HMCN2: variants seen among roughly 807,000 people sequenced by gnomAD.
The protein encoded by HMCN2 is hemicentin 2.
Under a neutral mutation model 377.5 loss-of-function variants are expected in HMCN2, and 325 were observed. The observed-to-expected ratio is 0.86, with a 90% confidence interval of 0.79 to 0.94. The LOEUF (loss-of-function observed/expected upper bound fraction) is 0.94, where lower values mean the gene tolerates loss of function less well. Among genes scored for constraint, HMCN2 ranks in the 40% least tolerant of loss-of-function variants. The probability of loss-of-function intolerance (pLI) is 0.00; values close to 1 mark genes in which losing one functional copy is unlikely to be tolerated. For synonymous variants in HMCN2, 2,007 were observed against 2,046.8 expected (o/e 0.98, Z 0.53); for missense variants, 4,543 against 4,725.3 (o/e 0.96, Z 1.13).
At chr9:130,271,607 G>A (rs1028902841) in intron 1 of HMCN2, among the ~76,000 whole-genome samples, 2 of 148,530 alleles carry the variant, frequency 1.3e-5, no homozygotes, top group African/African-American at 2.4e-5. Context: ...TTTTGTTTTC[G>A]TTTTTCCCAC....
chr9:130,395,959 G>C lies in HMCN2; in HGVS notation c.10947G>C (p.Arg3649Ser), dbSNP rs757829529. 2 of 1,287,588 alleles carry C rather than the reference G, an allele frequency of 1.6e-6. No individual in the cohort carries two copies. The highest frequency in any genetic ancestry group is 2.5e-5 in the South Asian group (2 of 80,928). The allele number at this position is 1,287,588 out of a possible 1,614,324, so 79.8% of individuals were successfully genotyped here. ...DAHTQFPERG[R>S]FLQLQALSTA... Reference sequence around the variant, plus strand: ...ACACACAATTCCCGGAGCGGGGCAGGTTCCTCCAGCTGCAGGCCCTGAGCA... The same window carrying C: ...ACACACAATTCCCGGAGCGGGGCAGCTTCCTCCAGCTGCAGGCCCTGAGCA... The change falls in exon 72 of 98, where the codon AGG becomes AGC. Residue 3649 changes from arginine to serine, a missense_variant. This residue lies in a region of HMCN2 where 1,073 missense variants were observed against 1,319.5 expected (regional missense o/e 0.81). Coordinates refer to ENST00000683500, the MANE Select transcript of HMCN2 (RefSeq NM_001291815.2).
At chr9:130,293,278 A>ATTTTTTTTTTTTTTTTT (rs1554930691) in intron 4 of HMCN2, among the ~76,000 whole-genome samples, 15 of 30,002 alleles carry the variant, frequency 5.0e-4, no homozygotes, top group African/African-American at 1.8e-3. Flanking sequence ...TACTCACTAA[A>ATTTTTTTTTTTTTTTTT]GTTTTTTTTT....
Position 130,386,515 on chromosome 9 carries a change from A to G in HMCN2, c.9382A>G (p.Thr3128Ala). 7.7e-7 allele frequency: 1 copy of G among 1,303,092 alleles called. No individual in the cohort carries two copies. Among genetic ancestry groups the G allele is most frequent in the African/African-American group, 1.5e-5 (1 of 65,954 alleles). 80.7% of individuals were successfully genotyped at this position (1,303,092 alleles called of 1,614,324 possible). ...GGAGGCCGTGCGGACCTTCACCCTC[A>G]CCGTCCAGGGTAAGCCAGGGACCAG... is the stretch of plus-strand genomic sequence containing the variant. ...AGEAVRTFTL[T>A]VQVPPTFENP... Residue 3128 changes from threonine (T) to alanine (A), a missense_variant, in exon 61 of 98, where the codon ACC (threonine) becomes GCC (alanine). This residue lies in a region of HMCN2 where 736 missense variants were observed against 773.2 expected (regional missense o/e 0.95). Coordinates refer to ENST00000683500, the MANE Select transcript of HMCN2 (RefSeq NM_001291815.2).
Position 130,376,521 on chromosome 9 carries a change from C to T in HMCN2, c.7924C>T (p.Pro2642Ser). Residue 2642 changes from proline to serine, a missense_variant, in exon 52 of 98, where the codon CCT becomes TCT. By Grantham distance (74) the Pro-to-Ser change is moderately conservative. Transcript: ENST00000683500. ...KNYHVEVLIP[P>S]SISKDDPLAE... Reference sequence around the variant, plus strand: ...AGACCCCTCGTGCTTTTCAGTCCCCCCTTCCATCTCCAAAGACGACCCCTT... The same window carrying T: ...AGACCCCTCGTGCTTTTCAGTCCCCTCTTCCATCTCCAAAGACGACCCCTT... The T allele has an allele frequency of 1.0e-6, 1 of 985,910 alleles. No homozygotes were observed. Among genetic ancestry groups the T allele is most frequent in the Non-Finnish European group, 1.2e-6 (1 of 830,002 alleles). The allele number at this position is 985,910 out of a possible 1,614,324, so 61.1% of individuals were successfully genotyped here.
At position 130,356,222 on chromosome 9, in the gene HMCN2, G is replaced by T; in HGVS notation, c.5390G>T (p.Gly1797Val). The T allele has an allele frequency of 7.7e-7, 1 of 1,302,594 alleles. No homozygotes were observed. Among genetic ancestry groups the T allele is most frequent in the Non-Finnish European group, 1.0e-6 (1 of 988,712 alleles). 80.7% of individuals were successfully genotyped at this position (1,302,594 alleles called of 1,614,324 possible). Residue 1797 changes from glycine (G) to valine (V), a missense_variant, in exon 34 of 98, where the codon GGC becomes GTC. This residue lies in a region of HMCN2 where 1,032 missense variants were observed against 1,285.1 expected (regional missense o/e 0.80). Coordinates refer to ENST00000683500, the MANE Select transcript of HMCN2 (RefSeq NM_001291815.2). ...GCCTGCCAGGCCACCAATGAGGCGG[G>T]CACTGCCGGGGCCGAGGTGGAGGTG... is the stretch of plus-strand genomic sequence containing the variant. ...LFACQATNEA[G>V]TAGAEVEVSV... is the part of the protein sequence containing the mutation.
At chr9:130,350,792 G>A (rs1839671513) in intron 29 of HMCN2, among the ~76,000 whole-genome samples, 1 of 151,374 alleles carries the variant, frequency 6.6e-6, no homozygotes, top group Non-Finnish European at 1.5e-5. Flanking sequence ...TGTAGTCTCC[G>A]CTACTTGGGA....
At chr9:130,279,150 C>T (rs578047746) in intron 1 of HMCN2, among the ~76,000 whole-genome samples, 32 of 152,046 alleles carry the variant, frequency 2.1e-4, no homozygotes, top group East Asian at 3.9e-4. Flanking sequence ...CCACCCACCT[C>T]GGCCTCCCAA....
chr9:130,327,693 T>C (rs1838215392), intron 22 of HMCN2, among the ~76,000 whole-genome samples: 1 of 152,204 alleles, frequency 6.6e-6, no homozygotes, highest in South Asian at 2.1e-4. Flanking sequence ...ACTCCCCATC[T>C]GAAATAACAT....
intron 51 of HMCN2, 36 bp from the exon 52 acceptor site, chr9:130,376,480 C>T (rs1318804641): frequency 1.0e-6 from 1 of 976,094 alleles, no homozygotes; most frequent in Non-Finnish European, 1.2e-6. Context: ...AGCACCCATC[C>T]CCCAGCTCTG....
chr9:130,399,806 C>G (rs1207253542), intron 76 of HMCN2, among the ~76,000 whole-genome samples, 174 bp downstream of exon 76: 1 of 152,238 alleles, frequency 6.6e-6, no homozygotes, highest in African/African-American at 2.4e-5. Flanking sequence ...AACCCCAGCT[C>G]CAGCACAGTT....
At chr9:130,397,413 T>C in intron 73 of HMCN2, 115 bp from the exon 74 acceptor site, 1 of 1,033,850 alleles carries the variant, frequency 9.7e-7, no homozygotes, top group South Asian at 1.5e-5. Flanking sequence ...AGCCAAACCA[T>C]ATCAGCATCC....
Position 130,365,730 on chromosome 9 carries a change from G to A in HMCN2, c.6505+3G>A. 7.1e-6 allele frequency: 7 copies of A among 985,676 alleles called. No homozygotes were observed. The highest frequency in any genetic ancestry group is 7.2e-6 in the Non-Finnish European group (6 of 829,716). The allele number at this position is 985,676 out of a possible 1,614,324, so 61.1% of individuals were successfully genotyped here. On this transcript the variant is annotated splice_donor_region_variant and intron_variant, in intron 42 of 97. Transcript: ENST00000683500. ...ACACTACAATCTGAACGTCTGGGGT[G>A]AGGGTCTCCCAGGCTGGGCAGGGGG... is the stretch of plus-strand genomic sequence containing the variant.
At chr9:130,346,497 C>T (rs960237769) in intron 25 of HMCN2, among the ~76,000 whole-genome samples, 8 of 149,600 alleles carry the variant, frequency 5.3e-5, no homozygotes, top group East Asian at 2.0e-4. Flanking sequence ...GTGGCACTCA[C>T]GGTGGGGCTG....
intron 54 of HMCN2, among the ~76,000 whole-genome samples, chr9:130,380,060 C>T (rs2131629858): frequency 1.3e-5 from 2 of 152,048 alleles, no homozygotes; most frequent in East Asian, 3.9e-4. Flanking sequence ...ATTTTTAGTA[C>T]AGATGGGGTT....
At chr9:130,379,161 G>A (rs1841562460) in intron 53 of HMCN2, 88 bp from the exon 54 acceptor site, 2 of 331,704 alleles carry the variant, frequency 6.0e-6, no homozygotes, top group Admixed American at 6.5e-5. Flanking sequence ...TTCCGCTTGG[G>A]AGAGGCTGGG....
intron 22 of HMCN2, among the ~76,000 whole-genome samples, chr9:130,331,081 C>T (rs1484932868): frequency 7.3e-5 from 11 of 151,408 alleles, no homozygotes; most frequent in African/African-American, 2.7e-4. Context: ...TCGCTTGAAC[C>T]TGGGAGGTGA....
At chr9:130,323,722 T>G (rs909035891) in intron 19 of HMCN2, among the ~76,000 whole-genome samples, 2 of 152,098 alleles carry the variant, frequency 1.3e-5, no homozygotes, top group Non-Finnish European at 2.9e-5. Flanking sequence ...TATTTATTTC[T>G]GAGACGCAGT....
intron 93 of HMCN2, 106 bp from the exon 94 acceptor site, chr9:130,429,451 G>T: frequency 7.1e-7 from 1 of 1,407,044 alleles, no homozygotes; most frequent in Non-Finnish European, 9.6e-7. Flanking sequence ...TGAAACTGGA[G>T]AAGGGGACAG....
At chr9:130,430,662 A>G in intron 95 of HMCN2, 58 bp downstream of exon 95, 1 of 1,463,852 alleles carries the variant, frequency 6.8e-7, no homozygotes, top group East Asian at 2.5e-5. Context: ...TTGGGCCCCT[A>G]GGGTGGGTGT....
Sources: allele counts gnomAD v4.1 joint callset (sites outside exome capture counted in the v4.1 genomes callset), GRCh38; gene constraint gnomAD v4.1.1; regional missense constraint gnomAD v4.1.1; transcripts MANE v1.5; gene names NCBI Gene and HGNC (gene_info 2026-07-23, HGNC 2026-07-21).